The following NANOS1 variants were observed in gnomAD, a reference collection of about 807,000 sequenced individuals.
NANOS1 encodes the protein nanos C2HC-type zinc finger 1.
NANOS1 carries 1 observed loss-of-function variant against 1.1 expected under a neutral mutation model. That is an observed-to-expected ratio of 0.88 (90% CI 0.31 to 4.20). NANOS1 has a LOEUF of 4.20. NANOS1 is among the 30% of genes most tolerant of loss of function. The probability of loss-of-function intolerance (pLI) is 0.17; values close to 1 mark genes in which losing one functional copy is unlikely to be tolerated. For missense variants in NANOS1, 537 were observed against 457.9 expected (o/e 1.17, Z -1.58); for synonymous variants, 252 against 230.6 (o/e 1.09, Z -0.84).
rs766286859 is a variant in NANOS1, at chr10:119,030,058, C to T, written c.257C>T (p.Ser86Phe). ...TCCTCCTCCTCGTCGTCCTGCTGCT[C>T]CCCCCACACGGGGGCCGGGCCTGGG... ...PPSSSSSSCC[S>F]PHTGAGPGAL... Residue 86 changes from serine to phenylalanine, a missense_variant, in exon 1 of 1, where the codon TCC (serine) becomes TTC (phenylalanine). Ser to Phe is a radical substitution (Grantham distance 155). Transcript: ENST00000425699. The surrounding 1 kb of genome is among the most constrained non-coding windows in gnomAD (Gnocchi z 5.3). 12 of 1,339,946 alleles carry T rather than the reference C, an allele frequency of 9.0e-6. No individual in the cohort carries two copies. The highest frequency in any genetic ancestry group is 9.5e-6 in the Non-Finnish European group (10 of 1,047,170). 83.0% of individuals were successfully genotyped at this position (1,339,946 alleles called of 1,614,324 possible). A position where few individuals can be genotyped will look rare whatever the true frequency, so the allele number is the denominator to read the frequency against.
In NANOS1 at chr10:119,031,796, C is replaced by T. The variant is rs1848053816; in HGVS notation, c.*1116C>T. 6.0e-6 allele frequency: 1 copy of T among 167,052 alleles called. No individual in the cohort carries two copies. The highest frequency in any genetic ancestry group is 2.4e-5 in the African/African-American group (1 of 41,440). The allele number at this position is 167,052 out of a possible 1,614,324, so 10.3% of individuals were successfully genotyped here. A position where few individuals can be genotyped will look rare whatever the true frequency, so the allele number is the denominator to read the frequency against. On this transcript the variant is annotated 3_prime_UTR_variant, in exon 1 of 1. Transcript: ENST00000425699. ...CCGTGGGCTGCGTCTGACTTTAATA[C>T]AGGCAGTGCTCAAACTAGAATAAGC...
rs200443184 is a variant in NANOS1 at position 119,030,214 on chromosome 10, C to T, written c.413C>T (p.Pro138Leu). ...CGCGCGCTGGAGCTGTGCGCGGGCCCCGCCGAGGCCGGGCTGCTGGAGGAG... is the reference window on the plus strand; with the variant it reads ...CGCGCGCTGGAGCTGTGCGCGGGCCTCGCCGAGGCCGGGCTGCTGGAGGAG... ...ELRALELCAG[P>L]AEAGLLEERF... The change falls in exon 1 of 1, where the codon CCC becomes CTC. Residue 138 changes from proline (P) to leucine (L), a missense_variant. Transcript: ENST00000425699. This position sits in a 1 kb window ranked among gnomAD's most constrained non-coding sequence, Gnocchi z 5.3. 1.6e-6 allele frequency: 2 copies of T among 1,290,256 alleles called. No homozygotes were observed. The highest frequency in any genetic ancestry group is 3.1e-5 in the East Asian group (1 of 32,130). 79.9% of individuals were successfully genotyped at this position (1,290,256 alleles called of 1,614,324 possible).
rs1034764767 is a variant in NANOS1 at position 119,031,470 on chromosome 10, GTGC to G, written c.*793_*795del. Reference sequence around the variant, plus strand: ...TCATATTGTGTATAACTTGGAAATGGTGCTGTTTAAAAAAATTGTGTATTTATA... The same window carrying G: ...TCATATTGTGTATAACTTGGAAATGGTGTTTAAAAAAATTGTGTATTTATA... On this transcript the variant is annotated 3_prime_UTR_variant, in exon 1 of 1. Coordinates refer to ENST00000425699, the MANE Select transcript of NANOS1 (RefSeq NM_199461.4). 6.0e-6 allele frequency: 1 copy of G among 167,002 alleles called. No homozygotes were observed. Among genetic ancestry groups the G allele is most frequent in the Non-Finnish European group, 1.5e-5 (1 of 68,112 alleles). The allele number at this position is 167,002 out of a possible 1,614,324, so 10.3% of individuals were successfully genotyped here. A position where few individuals can be genotyped will look rare whatever the true frequency, so the allele number is the denominator to read the frequency against.
In NANOS1 at chr10:119,030,699, G is replaced by T; in HGVS notation, c.*19G>T. ...GCGCTGAAGGCCCGGGCTCCCGGCCGCCCAGGGTCGCCGCCGCCCCTCGCA... is the reference window on the plus strand; with the variant it reads ...GCGCTGAAGGCCCGGGCTCCCGGCCTCCCAGGGTCGCCGCCGCCCCTCGCA... On this transcript the variant is annotated 3_prime_UTR_variant, in exon 1 of 1. Coordinates refer to ENST00000425699, the MANE Select transcript of NANOS1 (RefSeq NM_199461.4). The surrounding 1 kb of genome is among the most constrained non-coding windows in gnomAD (Gnocchi z 5.3). The T allele has an allele frequency of 7.8e-7, 1 of 1,276,640 alleles. No homozygotes were observed. The highest frequency in any genetic ancestry group is 9.9e-7 in the Non-Finnish European group (1 of 1,012,534). The allele number at this position is 1,276,640 out of a possible 1,614,324, so 79.1% of individuals were successfully genotyped here. A position where few individuals can be genotyped will look rare whatever the true frequency, so the allele number is the denominator to read the frequency against.
In NANOS1 at chr10:119,029,880, C is replaced by A. The variant is rs1589680006; in HGVS notation, c.79C>A (p.Arg27Ser). 3.8e-6 allele frequency: 5 copies of A among 1,309,292 alleles called. No homozygotes were observed. The highest frequency in any genetic ancestry group is 3.4e-5 in the Admixed American group (1 of 29,612). The allele number at this position is 1,309,292 out of a possible 1,614,324, so 81.1% of individuals were successfully genotyped here. A position where few individuals can be genotyped will look rare whatever the true frequency, so the allele number is the denominator to read the frequency against. ...PPPMALVPSA[R>S]YVSAPGPAHP... ...GCCCATGGCGCTCGTGCCCAGCGCC[C>A]GCTACGTGAGCGCCCCGGGCCCGGC... Residue 27 changes from arginine (R) to serine (S), a missense_variant, in exon 1 of 1, where the codon CGC becomes AGC. Physicochemically the swap from Arg to Ser is moderately radical, Grantham distance 110 (BLOSUM62 -1). Transcript: ENST00000425699.
rs1360573274 is a variant in NANOS1 at position 119,029,797 on chromosome 10, C to G, written c.-5C>G. 1.4e-5 allele frequency: 15 copies of G among 1,057,474 alleles called. No homozygotes were observed. The highest frequency in any genetic ancestry group is 8.6e-5 in the African/African-American group (5 of 58,428). 65.5% of individuals were successfully genotyped at this position (1,057,474 alleles called of 1,614,324 possible). On this transcript the variant is annotated 5_prime_UTR_variant, in exon 1 of 1. Coordinates refer to ENST00000425699, the MANE Select transcript of NANOS1 (RefSeq NM_199461.4). ...GGGAGGCGGCGCGCGGCCCGCAGCC[C>G]GCCCATGGAGGCTTTCCCCTGGGCG...
chr10:119,030,587 C>G lies in NANOS1; in HGVS notation c.786C>G (p.Ile262Met). The change falls in exon 1 of 1, where the codon ATC becomes ATG. Residue 262 changes from isoleucine (I) to methionine (M), a missense_variant. Ile to Met is a conservative substitution (Grantham distance 10, BLOSUM62 1). Coordinates refer to ENST00000425699, the MANE Select transcript of NANOS1 (RefSeq NM_199461.4). The surrounding 1 kb of genome is among the most constrained non-coding windows in gnomAD (Gnocchi z 5.3). The part of the protein sequence containing the change: ...CGASGDNAHT[I>M]KYCPLSKVPP... The stretch of plus-strand genomic sequence containing the variant: ...CCAGCGGCGACAACGCGCACACCAT[C>G]AAGTACTGCCCGCTCTCCAAAGTGC... 1 of 1,519,182 alleles carries G rather than the reference C, an allele frequency of 6.6e-7. No homozygotes were observed. The allele number at this position is 1,519,182 out of a possible 1,614,324, so 94.1% of individuals were successfully genotyped here.
chr10:119,030,157 G>A lies in NANOS1; in HGVS notation c.356G>A (p.Arg119Gln), dbSNP rs1442495400. 7.4e-7 allele frequency: 1 copy of A among 1,356,932 alleles called. No individual in the cohort carries two copies. Among genetic ancestry groups the A allele is most frequent in the Admixed American group, 3.6e-5 (1 of 27,830 alleles). The allele number at this position is 1,356,932 out of a possible 1,614,324, so 84.1% of individuals were successfully genotyped here. The change falls in exon 1 of 1, where the codon CGG (arginine) becomes CAG (glutamine). Residue 119 changes from arginine to glutamine, a missense_variant. By Grantham distance (43) the Arg-to-Gln change is conservative. Coordinates refer to ENST00000425699, the MANE Select transcript of NANOS1 (RefSeq NM_199461.4). The surrounding 1 kb of genome is among the most constrained non-coding windows in gnomAD (Gnocchi z 5.3). ...DDDDSDEPGSRGRYLGSALEL... is the reference protein window; with the variant it reads ...DDDDSDEPGSQGRYLGSALEL... ...GACGACAGCGACGAGCCGGGGTCCC[G>A]GGGCCGCTACCTGGGGAGCGCGCTG...
At position 119,030,003 on chromosome 10, in the gene NANOS1, G is replaced by A; in HGVS notation, c.202G>A (p.Gly68Ser). Residue 68 changes from glycine (G) to serine (S), a missense_variant, in exon 1 of 1, where the codon GGT (glycine) becomes AGT (serine). Gly to Ser is a moderately conservative substitution (Grantham distance 56). Coordinates refer to ENST00000425699, the MANE Select transcript of NANOS1 (RefSeq NM_199461.4). This position sits in a 1 kb window ranked among gnomAD's most constrained non-coding sequence, Gnocchi z 5.3. ...CGAGCCGCGCTTCGGCTGCGCCCGC[G>A]GTGGGAACGGCGGCGGCGGCTCCCC... ...DGEPRFGCAR[G>S]GNGGGGSPPS... 2.1e-6 allele frequency: 3 copies of A among 1,412,090 alleles called. No individual in the cohort carries two copies. The highest frequency in any genetic ancestry group is 2.9e-5 in the South Asian group (2 of 68,460). The allele number at this position is 1,412,090 out of a possible 1,614,324, so 87.5% of individuals were successfully genotyped here.
In NANOS1 at chr10:119,030,641, C is replaced by A; in HGVS notation, c.840C>A (p.Arg280=). The A allele has an allele frequency of 7.0e-7, 1 of 1,433,650 alleles. No individual in the cohort carries two copies. The allele number at this position is 1,433,650 out of a possible 1,614,324, so 88.8% of individuals were successfully genotyped here. A position where few individuals can be genotyped will look rare whatever the true frequency, so the allele number is the denominator to read the frequency against. The change falls in exon 1 of 1, where the codon CGC becomes CGA. Residue 280 remains arginine (R), a synonymous_variant. Transcript: ENST00000425699. The surrounding 1 kb of genome is among the most constrained non-coding windows in gnomAD (Gnocchi z 5.3). ...CGCCGCCCGCCCGCCCGCCGCCCCGCAGCGCCAGGGACGGCCCGCCTGGCA... is the reference window on the plus strand; with the variant it reads ...CGCCGCCCGCCCGCCCGCCGCCCCGAAGCGCCAGGGACGGCCCGCCTGGCA... ...VPPPPARPPP[R]SARDGPPGKK...
In NANOS1 at chr10:119,030,446, G is replaced by C; in HGVS notation, c.645G>C (p.Val215=). The C allele has an allele frequency of 6.8e-7, 1 of 1,478,288 alleles. No individual in the cohort carries two copies. Among genetic ancestry groups the C allele is most frequent in the East Asian group, 2.7e-5 (1 of 36,444 alleles). 91.6% of individuals were successfully genotyped at this position (1,478,288 alleles called of 1,614,324 possible). A position where few individuals can be genotyped will look rare whatever the true frequency, so the allele number is the denominator to read the frequency against. ...RLLKPELQVC[V]FCRNNKEAMA... is the part of the protein sequence containing the mutation. The stretch of plus-strand genomic sequence containing the variant: ...TGAAGCCCGAGCTGCAGGTGTGCGT[G>C]TTCTGCCGGAACAACAAGGAGGCGA... Residue 215 remains valine, a synonymous_variant, in exon 1 of 1, where the codon GTG becomes GTC. Coordinates refer to ENST00000425699, the MANE Select transcript of NANOS1 (RefSeq NM_199461.4). The surrounding 1 kb of genome is among the most constrained non-coding windows in gnomAD (Gnocchi z 5.3).
At position 119,030,767 on chromosome 10, in the gene NANOS1, G is replaced by A. The variant is rs1848035622; in HGVS notation, c.*87G>A. 2 of 1,239,302 alleles carry A rather than the reference G, an allele frequency of 1.6e-6. No homozygotes were observed. Among genetic ancestry groups the A allele is most frequent in the Admixed American group, 4.4e-5 (1 of 22,850 alleles). The allele number at this position is 1,239,302 out of a possible 1,614,324, so 76.8% of individuals were successfully genotyped here. A position where few individuals can be genotyped will look rare whatever the true frequency, so the allele number is the denominator to read the frequency against. ...CATCTCGCCCCCGCCGTGGGGAGGC[G>A]TGCGGCTCAGCGGTCGGCTCGACAT... On this transcript the variant is annotated 3_prime_UTR_variant, in exon 1 of 1. Coordinates refer to ENST00000425699, the MANE Select transcript of NANOS1 (RefSeq NM_199461.4). This position sits in a 1 kb window ranked among gnomAD's most constrained non-coding sequence, Gnocchi z 5.3.
Position 119,031,487 on chromosome 10 carries a change from T to G in NANOS1, c.*807T>G, listed in dbSNP as rs1018028441. ...TGGAAATGGTGCTGTTTAAAAAAAT[T>G]GTGTATTTATACAGTAACAGTATGA... is the stretch of plus-strand genomic sequence containing the variant. On this transcript the variant is annotated 3_prime_UTR_variant, in exon 1 of 1. Coordinates refer to ENST00000425699, the MANE Select transcript of NANOS1 (RefSeq NM_199461.4). 6.0e-6 allele frequency: 1 copy of G among 167,088 alleles called. No homozygotes were observed. The highest frequency in any genetic ancestry group is 1.9e-4 in the East Asian group (1 of 5,212). The allele number at this position is 167,088 out of a possible 1,614,324, so 10.4% of individuals were successfully genotyped here.
chr10:119,030,692 C>G lies in NANOS1; in HGVS notation c.*12C>G, dbSNP rs573736223. On this transcript the variant is annotated 3_prime_UTR_variant, in exon 1 of 1. Transcript: ENST00000425699. This position sits in a 1 kb window ranked among gnomAD's most constrained non-coding sequence, Gnocchi z 5.3. ...AGAAGCTGCGCTGAAGGCCCGGGCT[C>G]CCGGCCGCCCAGGGTCGCCGCCGCC... 1.6e-3 allele frequency: 2,005 copies of G among 1,284,988 alleles called. 21 individuals are homozygous for G. In the African/African-American group the frequency reaches 0.027, roughly 17 times the overall value. 79.6% of individuals were successfully genotyped at this position (1,284,988 alleles called of 1,614,324 possible).
chr10:119,029,937 TA>T lies in NANOS1; in HGVS notation c.137del (p.Tyr46SerfsTer106), dbSNP rs1848015705. On this transcript the variant is annotated frameshift_variant, in exon 1 of 1. Transcript: ENST00000425699. LOFTEE classifies it high-confidence loss of function. ...GCAGCCCTTCAGCTCCTGGAACGAC[TA>T]CCTGGGGCTCGCCACGCTCATCACC... ...HPQPFSSWND[Y>X]LGLATLITKA... 7.0e-7 allele frequency: 1 copy of T among 1,434,112 alleles called. No individual in the cohort carries two copies. The highest frequency in any genetic ancestry group is 2.5e-5 in the Admixed American group (1 of 39,698). 88.8% of individuals were successfully genotyped at this position (1,434,112 alleles called of 1,614,324 possible). A position where few individuals can be genotyped will look rare whatever the true frequency, so the allele number is the denominator to read the frequency against.
In NANOS1 at chr10:119,029,750, C is replaced by T. The variant is rs551412344; in HGVS notation, c.-52C>T. The stretch of plus-strand genomic sequence containing the variant: ...GCGGGCAGGCTCGGCGTGTCCCTTC[C>T]GTCCGGCCCGCGCCGGCGGCGGGGA... On this transcript the variant is annotated 5_prime_UTR_variant, in exon 1 of 1. Transcript: ENST00000425699. 153 of 954,648 alleles carry T rather than the reference C, an allele frequency of 1.6e-4. No homozygotes were observed. The highest frequency in any genetic ancestry group is 8.6e-4 in the South Asian group (18 of 20,868). The allele number at this position is 954,648 out of a possible 1,614,324, so 59.1% of individuals were successfully genotyped here.
chr10:119,030,014 C>G lies in NANOS1; in HGVS notation c.213C>G (p.Gly71=). 7.1e-7 allele frequency: 1 copy of G among 1,403,280 alleles called. No homozygotes were observed. Among genetic ancestry groups the G allele is most frequent in the Non-Finnish European group, 9.3e-7 (1 of 1,077,686 alleles). 86.9% of individuals were successfully genotyped at this position (1,403,280 alleles called of 1,614,324 possible). ...PRFGCARGGN[G]GGGSPPSSSS... Reference sequence around the variant, plus strand: ...TCGGCTGCGCCCGCGGTGGGAACGGCGGCGGCGGCTCCCCGCCCTCCTCCT... The same window carrying G: ...TCGGCTGCGCCCGCGGTGGGAACGGGGGCGGCGGCTCCCCGCCCTCCTCCT... Residue 71 remains glycine (G), a synonymous_variant, in exon 1 of 1, where the codon GGC becomes GGG. Transcript: ENST00000425699. This position sits in a 1 kb window ranked among gnomAD's most constrained non-coding sequence, Gnocchi z 5.3.
Sources: allele counts gnomAD v4.1 joint callset, GRCh38; gene constraint gnomAD v4.1.1; non-coding constraint Gnocchi (gnomAD v3.1); transcripts MANE v1.5; gene names NCBI Gene and HGNC (gene_info 2026-07-23, HGNC 2026-07-21).